SMARCC1: variants seen among roughly 807,000 people sequenced by gnomAD.
SMARCC1 encodes SWI/SNF related BAF chromatin remodeling complex subunit C1, also known as SWI/SNF complex subunit SMARCC1.
SMARCC1 carries 43 observed loss-of-function variants against 147.4 expected under a neutral mutation model. That is an observed-to-expected ratio of 0.29 (90% CI 0.23 to 0.38). The LOEUF (loss-of-function observed/expected upper bound fraction) is 0.38. SMARCC1 is among the 10% of genes least tolerant of loss of function. The pLI is 1.00. For synonymous variants in SMARCC1, 495 were observed against 484.4 expected (o/e 1.02, Z -0.29); for missense variants, 1,119 against 1,381.1 (o/e 0.81, Z 3.01).
At chr3:47,655,832 C>G (rs2033253661) in intron 21 of SMARCC1, among the ~76,000 whole-genome samples, 1 of 152,128 alleles carries the variant, frequency 6.6e-6, no homozygotes, top group Non-Finnish European at 1.5e-5. Flanking sequence ...GTTCTTTAAT[C>G]ACCAGACATA....
chr3:47,663,746 G>A (rs993458905), intron 19 of SMARCC1: 7 of 1,517,154 alleles, frequency 4.6e-6, no homozygotes, highest in Admixed American at 1.7e-5. Flanking sequence ...CAAGACCCAC[G>A]AGAACCCGGT....
intron 26 of SMARCC1, among the ~76,000 whole-genome samples, chr3:47,595,909 A>G (rs1185349483): frequency 6.6e-6 from 1 of 151,236 alleles, no homozygotes; most frequent in East Asian, 2.0e-4. Context: ...TAATTTTTTT[A>G]TTTTTAGTAG....
At chr3:47,676,817 G>T (rs765437233) in intron 16 of SMARCC1, 35 bp from the exon 17 acceptor site, 7 of 1,588,726 alleles carry the variant, frequency 4.4e-6, no homozygotes, top group African/African-American at 1.3e-5. Flanking sequence ...AAAATCTAAA[G>T]AATCAACTTC....
chr3:47,592,985 C>CT (rs982396565), intron 26 of SMARCC1, among the ~76,000 whole-genome samples: 42 of 151,408 alleles, frequency 2.8e-4, no homozygotes, highest in Admixed American at 5.9e-4. Flanking sequence ...ATGCCTGGCT[C>CT]TTTTTTTTAT....
At chr3:47,739,126 A>C (rs1224140809) in intron 3 of SMARCC1, among the ~76,000 whole-genome samples, 1 of 152,184 alleles carries the variant, frequency 6.6e-6, no homozygotes, top group African/African-American at 2.4e-5. Context: ...CATCCAGGAC[A>C]GGAGTAGAGC....
chr3:47,740,440 C>T (rs1170892175), intron 3 of SMARCC1, among the ~76,000 whole-genome samples: 5 of 151,596 alleles, frequency 3.3e-5, no homozygotes, highest in African/African-American at 4.8e-5. Context: ...CGAGATCCAC[C>T]CACCTCGGCC....
intron 6 of SMARCC1, among the ~76,000 whole-genome samples, chr3:47,723,365 T>G (rs1156593276): frequency 4.9e-5 from 7 of 144,308 alleles, no homozygotes; most frequent in Non-Finnish European, 9.1e-5. Context: ...GTTTTTTTTT[T>G]TTTTTTTTTT....
intron 26 of SMARCC1, among the ~76,000 whole-genome samples, chr3:47,594,430 C>T (rs937908309): frequency 4.6e-5 from 7 of 152,202 alleles, no homozygotes; most frequent in Admixed American, 6.5e-5. Context: ...CTAGGACCAA[C>T]TGACCATCAT....
intron 2 of SMARCC1, among the ~76,000 whole-genome samples, chr3:47,748,631 T>C (rs1218060407): frequency 1.3e-5 from 2 of 152,168 alleles, no homozygotes; most frequent in African/African-American, 2.4e-5. Flanking sequence ...ATTAAAAATA[T>C]AGCTCAAATT....
intron 1 of SMARCC1, among the ~76,000 whole-genome samples, chr3:47,774,820 T>C (rs2034955714): frequency 6.6e-6 from 1 of 152,082 alleles, no homozygotes; most frequent in South Asian, 2.1e-4. Flanking sequence ...TACTTTTTTT[T>C]TTCAAGACAG....
chr3:47,717,561 GATTTTT>G (rs950702390), intron 7 of SMARCC1, among the ~76,000 whole-genome samples: 4 of 152,030 alleles, frequency 2.6e-5, no homozygotes, highest in African/African-American at 9.7e-5. Flanking sequence ...ACATTGACTG[GATTTTT>G]ATTTTTATTT....
At chr3:47,714,341 C>A in intron 8 of SMARCC1, 74 bp downstream of exon 8, 1 of 848,566 alleles carries the variant, frequency 1.2e-6, no homozygotes, top group Non-Finnish European at 2.0e-6. Context: ...CTAGCCTGGG[C>A]GACAGAGTGA....
intron 21 of SMARCC1, 98 bp from the exon 22 acceptor site, chr3:47,638,878 G>C (rs1400974926): frequency 6.0e-6 from 5 of 830,340 alleles, no homozygotes; most frequent in Non-Finnish European, 1.0e-5. Context: ...AATATATACA[G>C]TAATACATAA....
intron 24 of SMARCC1, among the ~76,000 whole-genome samples, chr3:47,629,329 C>T (rs2032855492): frequency 6.6e-6 from 1 of 152,186 alleles, no homozygotes; most frequent in African/African-American, 2.4e-5. Context: ...CCTCCAACCT[C>T]AGCTTGATAT....
intron 2 of SMARCC1, among the ~76,000 whole-genome samples, chr3:47,757,991 C>T (rs1275245646): frequency 6.6e-6 from 1 of 151,954 alleles, no homozygotes; most frequent in Non-Finnish European, 1.5e-5. Context: ...TAAAAATATT[C>T]ACAACAGCAC....
At chr3:47,731,407 T>C (rs1191368098) in intron 5 of SMARCC1, among the ~76,000 whole-genome samples, 1 of 152,142 alleles carries the variant, frequency 6.6e-6, no homozygotes. Context: ...AGGGTCACAA[T>C]CCACGTCTTC....
At chr3:47,603,831 T>G in intron 26 of SMARCC1, 1 of 339,882 alleles carries the variant, frequency 2.9e-6, no homozygotes, top group Non-Finnish European at 5.8e-6. Flanking sequence ...CCAGAAACAT[T>G]CTACTACAGA....
intron 6 of SMARCC1, among the ~76,000 whole-genome samples, chr3:47,722,393 G>A (rs1409437692): frequency 6.7e-6 from 1 of 149,462 alleles, no homozygotes; most frequent in Admixed American, 6.8e-5. Context: ...TGCCTCCCGG[G>A]TTCAAGTGAT....
intron 11 of SMARCC1, among the ~76,000 whole-genome samples, chr3:47,698,735 A>G (rs941468502): frequency 6.6e-6 from 1 of 152,126 alleles, no homozygotes; most frequent in Non-Finnish European, 1.5e-5. Flanking sequence ...TAAGAGCTAT[A>G]ATAGCAAAAA....
Sources: gnomAD v4.1 joint callset for allele counts (sites outside exome capture counted in the v4.1 genomes callset) on GRCh38, gnomAD v4.1.1 for gene constraint, MANE v1.5 for transcripts, NCBI Gene and HGNC (gene_info 2026-07-23, HGNC 2026-07-21) for gene names.